PPP1R1C: variants seen among roughly 807,000 people sequenced by gnomAD.
PPP1R1C encodes protein phosphatase 1 regulatory subunit 1C.
PPP1R1C carries 15 observed loss-of-function variants against 17.4 expected under a neutral mutation model. The ratio of observed to expected loss-of-function variants is 0.86; its 90% CI spans 0.58 to 1.33. The LOEUF (loss-of-function observed/expected upper bound fraction) is 1.33. Among genes scored for constraint, PPP1R1C ranks in the 40% most tolerant of loss-of-function variants. PPP1R1C has a pLI of 0.00. For synonymous variants in PPP1R1C, 35 were observed against 43.1 expected, an observed-to-expected ratio of 0.81 and a Z score of 0.73; for missense variants, 143 against 130.0, an observed-to-expected ratio of 1.10 and a Z score of -0.48.
chr2:182,087,160 C>T (rs1173551044), intron 4 of PPP1R1C, among the ~76,000 whole-genome samples: 1 of 152,228 alleles, frequency 6.6e-6, no homozygotes, highest in African/African-American at 2.4e-5. Flanking sequence ...TTCACCTGGA[C>T]TACTGCAGTA....
chr2:181,968,955 A>G (rs1037471930), intron 1 of PPP1R1C, among the ~76,000 whole-genome samples: 9 of 152,182 alleles, frequency 5.9e-5, no homozygotes, highest in African/African-American at 2.2e-4. Context: ...TGATTACAAA[A>G]ACAAACAAGC....
chr2:182,016,787 C>T (rs1356106160), intron 2 of PPP1R1C, among the ~76,000 whole-genome samples: 2 of 152,128 alleles, frequency 1.3e-5, no homozygotes, highest in Non-Finnish European at 2.9e-5. Context: ...TTTCTGATAA[C>T]AAACTGTGAG....
intron 2 of PPP1R1C, among the ~76,000 whole-genome samples, chr2:182,049,363 C>G (rs1035136297): frequency 1.9e-4 from 29 of 150,374 alleles, no homozygotes; most frequent in Non-Finnish European, 4.1e-4. Context: ...CTCTCTAGGG[C>G]ACCTCAAAAA....
chr2:182,101,837 C>G (rs1689105059), intron 4 of PPP1R1C, among the ~76,000 whole-genome samples: 1 of 152,190 alleles, frequency 6.6e-6, no homozygotes, highest in Non-Finnish European at 1.5e-5. Context: ...GAAGGGAAGG[C>G]TGCCCTCTGG....
intron 4 of PPP1R1C, among the ~76,000 whole-genome samples, chr2:182,094,425 A>G (rs2125223342): frequency 6.6e-6 from 1 of 152,380 alleles, no homozygotes; most frequent in South Asian, 2.1e-4. Context: ...CATTCAGTAC[A>G]GACTGGTCCC....
intron 2 of PPP1R1C, among the ~76,000 whole-genome samples, chr2:182,041,556 C>A (rs1281309013): frequency 1.4e-5 from 2 of 143,026 alleles, no homozygotes; most frequent in Non-Finnish European, 3.0e-5. Context: ...TTGCAGTGAA[C>A]TGAGGTCATG....
chr2:182,072,795 C>T (rs1688177901), intron 4 of PPP1R1C, among the ~76,000 whole-genome samples: 1 of 152,136 alleles, frequency 6.6e-6, no homozygotes, highest in Admixed American at 6.5e-5. Flanking sequence ...TGTTATTGAT[C>T]CTTATGTAAT....
intron 4 of PPP1R1C, among the ~76,000 whole-genome samples, chr2:182,116,372 A>G (rs948489122): frequency 1.3e-5 from 2 of 152,152 alleles, no homozygotes; most frequent in Non-Finnish European, 2.9e-5. Flanking sequence ...GCAGGGGGGA[A>G]TATGAGAAAG....
At chr2:182,090,504 A>C (rs1388587717) in intron 4 of PPP1R1C, among the ~76,000 whole-genome samples, 1 of 152,128 alleles carries the variant, frequency 6.6e-6, no homozygotes, top group African/African-American at 2.4e-5. Flanking sequence ...ACCAGACAAG[A>C]ATTTCTTTCT....
intron 4 of PPP1R1C, among the ~76,000 whole-genome samples, chr2:182,111,720 A>C (rs926655999): frequency 7.9e-5 from 12 of 151,474 alleles, no homozygotes; most frequent in African/African-American, 2.9e-4. Flanking sequence ...AATTATATTG[A>C]GTCATAAAAT....
At chr2:182,084,976 T>C (rs1688584736) in intron 4 of PPP1R1C, among the ~76,000 whole-genome samples, 7 of 152,164 alleles carry the variant, frequency 4.6e-5, no homozygotes, top group Admixed American at 4.6e-4. Flanking sequence ...CCTCCTTGGT[T>C]AAGTATATTC....
intron 2 of PPP1R1C, among the ~76,000 whole-genome samples, chr2:182,052,897 G>A (rs1243882557): frequency 6.6e-6 from 1 of 150,976 alleles, no homozygotes; most frequent in Non-Finnish European, 1.5e-5. Flanking sequence ...TCCCAAATGA[G>A]TGAGCCAAGA....
At chr2:181,990,447 A>G (rs1282077476) in intron 2 of PPP1R1C, among the ~76,000 whole-genome samples, 1 of 152,078 alleles carries the variant, frequency 6.6e-6, no homozygotes, top group Non-Finnish European at 1.5e-5. Context: ...CCGGCCTCCA[A>G]GCTTTATTTT....
chr2:181,987,450 T>G (rs1685331399), intron 1 of PPP1R1C, among the ~76,000 whole-genome samples: 2 of 152,192 alleles, frequency 1.3e-5, no homozygotes, highest in Non-Finnish European at 2.9e-5. Flanking sequence ...TCCAAGCTCT[T>G]CCTTATCCTG....
At chr2:182,004,917 C>G (rs182935422) in intron 2 of PPP1R1C, among the ~76,000 whole-genome samples, 1 of 152,248 alleles carries the variant, frequency 6.6e-6, no homozygotes, top group Admixed American at 6.5e-5. Context: ...TCTAACAAGA[C>G]AGAAGCCATT....
chr2:182,094,943 G>T (rs1688888642), intron 4 of PPP1R1C, among the ~76,000 whole-genome samples: 1 of 152,282 alleles, frequency 6.6e-6, no homozygotes, highest in South Asian at 2.1e-4. Context: ...AAGCCAAGGA[G>T]TATCTATGTA....
At chr2:182,069,304 C>T (rs569027056) in intron 4 of PPP1R1C, among the ~76,000 whole-genome samples, 71 of 151,664 alleles carry the variant, frequency 4.7e-4, no homozygotes, top group South Asian at 1.0e-3. Flanking sequence ...CAAGTATGCT[C>T]CTATTTCCAG....
chr2:182,085,535 C>T (rs1372117135), intron 4 of PPP1R1C, among the ~76,000 whole-genome samples: 7 of 152,098 alleles, frequency 4.6e-5, no homozygotes. Context: ...AAAGATGGTA[C>T]TTCTAGAAGA....
chr2:182,123,049 T>C (rs567346321), intron 5 of PPP1R1C, among the ~76,000 whole-genome samples: 2 of 152,318 alleles, frequency 1.3e-5, no homozygotes, highest in Admixed American at 6.5e-5. Flanking sequence ...CTCCCCTCCC[T>C]GTGCCCATAT....
Sources: allele counts gnomAD v4.1 joint callset (sites outside exome capture counted in the v4.1 genomes callset), GRCh38; gene constraint gnomAD v4.1.1; transcripts MANE v1.5; gene names NCBI Gene and HGNC (gene_info 2026-07-23, HGNC 2026-07-21).